The following TASP1 variants were observed in gnomAD, a reference collection of about 807,000 sequenced individuals.
TASP1 encodes the protein taspase 1.
TASP1 carries 16 observed loss-of-function variants against 56.6 expected under a neutral mutation model. That is an observed-to-expected ratio of 0.28 (90% CI 0.19 to 0.43). The LOEUF is 0.43. Ranked by LOEUF, TASP1 falls within the 20% of genes least tolerant of loss-of-function variation. The pLI is 1.00. For synonymous variants in TASP1, 179 were observed against 184.2 expected (o/e 0.97, Z 0.23); for missense variants, 393 against 511.6 (o/e 0.77, Z 2.24).
chr20:13,483,408 G>A (rs561130405), intron 10 of TASP1, 71 bp from the exon 11 acceptor site: 1 of 1,025,786 alleles, frequency 9.7e-7, no homozygotes, highest in East Asian at 2.7e-5. Context: ...AATAGCATTA[G>A]AACACCCTTA....
the TASP1 span, among the ~76,000 whole-genome samples, chr20:13,374,922 A>G: frequency 0.018 from 2,706 of 152,194 alleles, 76 homozygotes; most frequent in African/African-American, 0.06. Context: ...CTTTCCCCTC[A>G]TATCTTCATT....
At chr20:13,636,049 T>C (rs1300716859) in intron 1 of TASP1, among the ~76,000 whole-genome samples, 1 of 152,008 alleles carries the variant, frequency 6.6e-6, no homozygotes, top group African/African-American at 2.4e-5. Flanking sequence ...AGGAAGTAAG[T>C]CATGGAATTC....
the TASP1 span, among the ~76,000 whole-genome samples, chr20:13,134,571 G>T: frequency 6.6e-6 from 1 of 152,100 alleles, no homozygotes; most frequent in Non-Finnish European, 1.5e-5. Context: ...TGTTACCTGG[G>T]GCTTGTTAGA....
chr20:13,219,723 G>A, the TASP1 span, among the ~76,000 whole-genome samples: 1 of 152,284 alleles, frequency 6.6e-6, no homozygotes, highest in East Asian at 1.9e-4. Context: ...GAGGCAGCAA[G>A]CCCTTCCTCT....
At chr20:13,183,088 C>T in the TASP1 span, among the ~76,000 whole-genome samples, 4 of 152,190 alleles carry the variant, frequency 2.6e-5, no homozygotes, top group Admixed American at 2.6e-4. Context: ...CAATAGCAAA[C>T]ATGATGCAAG....
chr20:13,216,063 TAA>T, the TASP1 span, among the ~76,000 whole-genome samples: 1 of 152,246 alleles, frequency 6.6e-6, no homozygotes, highest in Non-Finnish European at 1.5e-5. Flanking sequence ...AGCAGTTTTC[TAA>T]AAGTTTCATT....
In TASP1 at chr20:13,467,216, C is replaced by T. The variant is rs187969432; in HGVS notation, c.985+16011G>A. On this transcript the variant is annotated intron_variant, in intron 11 of 13. Transcript: ENST00000337743. ...ACACACACACACACACACACACACA[C>T]GACACACAAATACTTTTTTTTCCTA... 6.0e-3 allele frequency among the ~76,000 whole-genome samples: 847 copies of T among 141,086 alleles called. 6 individuals are homozygous for T. Among genetic ancestry groups the T allele is most frequent in the African/African-American group, 0.02 (767 of 38,446 alleles). 92.6% of individuals were successfully genotyped at this position (141,086 alleles called of 152,430 possible).
At chr20:13,169,436 T>C in the TASP1 span, among the ~76,000 whole-genome samples, 2 of 151,774 alleles carry the variant, frequency 1.3e-5, no homozygotes, top group Admixed American at 6.6e-5. Flanking sequence ...AGGAACAGGA[T>C]TGGAAAGAGG....
chr20:13,379,987 G>A, the TASP1 span, among the ~76,000 whole-genome samples: 12 of 152,018 alleles, frequency 7.9e-5, no homozygotes, highest in African/African-American at 2.7e-4. Flanking sequence ...TTTTTTCAAG[G>A]TTCTTAGCTT....
the TASP1 span, among the ~76,000 whole-genome samples, chr20:13,352,636 GC>G: frequency 1.3e-5 from 2 of 152,172 alleles, no homozygotes; most frequent in African/African-American, 4.8e-5. Context: ...GGCTTTAGAA[GC>G]CAGTCTGTGG....
At position 13,559,015 on chromosome 20, in the gene TASP1, C is replaced by T. The variant is rs975328966; in HGVS notation, c.668G>A (p.Ser223Asn). Residue 223 changes from serine (S) to asparagine (N), a missense_variant, in exon 8 of 14, where the codon AGT becomes AAT. Transcript: ENST00000337743. Reference sequence around the variant, plus strand: ...TTTCAAACACCACCTGACCTTCTCACTTGATTGTCTTCTTTTCTTTAGTTG... The same window carrying T: ...TTTCAAACACCACCTGACCTTCTCATTTGATTGTCTTCTTTTCTTTAGTTG... The part of the protein sequence containing the change: ...FMQLKKRRQS[S>N]EKENDSGTLD... The T allele has an allele frequency of 6.3e-7, 1 of 1,583,176 alleles. No homozygotes were observed. The highest frequency in any genetic ancestry group is 1.2e-5 in the South Asian group (1 of 85,196).
intron 2 of TASP1, among the ~76,000 whole-genome samples, chr20:13,627,375 A>G (rs1446933746): frequency 6.6e-6 from 1 of 152,214 alleles, no homozygotes; most frequent in Admixed American, 6.5e-5. Flanking sequence ...ATATCCTATC[A>G]TAACTCAGAG....
intron 10 of TASP1, among the ~76,000 whole-genome samples, chr20:13,494,974 A>C (rs917720772): frequency 1.3e-5 from 2 of 151,964 alleles, no homozygotes; most frequent in African/African-American, 4.8e-5. Context: ...CAAAGCCAAA[A>C]TGCAGTTATA....
intron 4 of TASP1, among the ~76,000 whole-genome samples, chr20:13,603,605 T>C (rs1479903749): frequency 6.6e-6 from 1 of 152,212 alleles, no homozygotes; most frequent in African/African-American, 2.4e-5. Flanking sequence ...AGAAATTTTA[T>C]AAAACATATT....
the TASP1 span, among the ~76,000 whole-genome samples, chr20:13,319,168 A>T: frequency 6.6e-5 from 10 of 152,132 alleles, no homozygotes; most frequent in African/African-American, 2.2e-4. Flanking sequence ...TTCGTTATGA[A>T]ACTAAAAATG....
chr20:13,386,198 A>G (rs2041161650), downstream of TASP1, among the ~76,000 whole-genome samples: 1 of 152,216 alleles, frequency 6.6e-6, no homozygotes, highest in African/African-American at 2.4e-5. Flanking sequence ...GCAGTAAATG[A>G]GGGATTGTGT....
the TASP1 span, among the ~76,000 whole-genome samples, chr20:13,203,040 T>C: frequency 6.6e-6 from 1 of 152,240 alleles, no homozygotes; most frequent in South Asian, 2.1e-4. Flanking sequence ...CTCCCTAAAC[T>C]GATGAAAACA....
chr20:13,255,193 ACATTTAAGCT>A, the TASP1 span, among the ~76,000 whole-genome samples: 1 of 152,260 alleles, frequency 6.6e-6, no homozygotes, highest in Non-Finnish European at 1.5e-5. Context: ...TCTGGAGGTG[ACATTTAAGCT>A]GAGACTTGAA....
At chr20:13,544,811 C>T (rs1291706226) in intron 8 of TASP1, among the ~76,000 whole-genome samples, 1 of 152,086 alleles carries the variant, frequency 6.6e-6, no homozygotes, top group Non-Finnish European at 1.5e-5. Context: ...CTTTTAAATA[C>T]GAGAGCTCTG....
Sources: gnomAD v4.1 joint callset for allele counts (sites outside exome capture counted in the v4.1 genomes callset) on GRCh38, gnomAD v4.1.1 for gene constraint, MANE v1.5 for transcripts, NCBI Gene and HGNC (gene_info 2026-07-23, HGNC 2026-07-21) for gene names.